PIEZO2: variants seen among roughly 807,000 people sequenced by gnomAD.
The protein encoded by PIEZO2 is piezo type mechanosensitive ion channel component 2.
Under a neutral mutation model 337.3 loss-of-function variants are expected in PIEZO2, and 172 were observed. The observed-to-expected ratio is 0.51, with a 90% CI of 0.45 to 0.58. PIEZO2 has a LOEUF of 0.58. Among genes scored for constraint, PIEZO2 ranks in the 20% least tolerant of loss-of-function variants. PIEZO2 has a pLI of 0.00. For synonymous variants in PIEZO2, 1,251 were observed against 1,228.5 expected (o/e 1.02, Z -0.38); for missense variants, 3,028 against 3,391.3 (o/e 0.89, Z 2.66).
At chr18:10,873,310 T>C (rs117159533) in intron 4 of PIEZO2, among the ~76,000 whole-genome samples, 1 of 152,200 alleles carries the variant, frequency 6.6e-6, no homozygotes, top group African/African-American at 2.4e-5. Context: ...GGCATTATTA[T>C]CCTTTTACAC....
chr18:10,913,714 C>G (rs948065333), intron 3 of PIEZO2, among the ~76,000 whole-genome samples: 3 of 152,012 alleles, frequency 2.0e-5, no homozygotes, highest in African/African-American at 7.2e-5. Flanking sequence ...ACAGGCAGGA[C>G]AAGTCAAAAG....
Position 10,762,539 on chromosome 18 carries a change from G to A in PIEZO2, c.3210C>T (p.Val1070=), listed in dbSNP as rs1370659064. The A allele has an allele frequency of 6.5e-6, 10 of 1,537,330 alleles. No individual in the cohort carries two copies. In the East Asian group the frequency reaches 9.8e-5, roughly 15 times the overall value. ...GCAGAGGCGAAGACTTCCGCAGGCCGACCCACTCTGTAGGATCGATAGGAG... is the reference window on the plus strand; with the variant it reads ...GCAGAGGCGAAGACTTCCGCAGGCCAACCCACTCTGTAGGATCGATAGGAG... ...YSAPIDPTEW[V]GLRKSSPLLV... Residue 1070 remains valine, a synonymous_variant, in exon 23 of 56, where the codon GTC becomes GTT. Transcript: ENST00000674853.
At chr18:11,056,612 A>C (rs981812748) in intron 2 of PIEZO2, among the ~76,000 whole-genome samples, 1 of 152,208 alleles carries the variant, frequency 6.6e-6, no homozygotes, top group Non-Finnish European at 1.5e-5. Flanking sequence ...ACCAAAAGGA[A>C]TGTTGAAGCA....
intron 22 of PIEZO2, 33 bp downstream of exon 22, chr18:10,762,889 A>C: frequency 6.5e-7 from 1 of 1,528,394 alleles, no homozygotes; most frequent in African/African-American, 1.4e-5. Flanking sequence ...GCTAAAGGGC[A>C]GTCAGGAATA....
chr18:11,056,697 A>T lies in PIEZO2; in HGVS notation c.160+9430T>A, dbSNP rs534531311. ...TGAGAAGAGCTCAAGAACGAGGGCC[A>T]TCCAGGAGCTGCTAGACCTTCAGGA... On this transcript the variant is annotated intron_variant, in intron 2 of 55. Transcript: ENST00000674853. 5.3e-5 allele frequency among the ~76,000 whole-genome samples: 8 copies of T among 152,250 alleles called. No homozygotes were observed. The East Asian group carries it at 1.6e-3, about 30-fold the overall frequency.
At position 11,034,582 on chromosome 18, in the gene PIEZO2, G is replaced by A. The variant is rs535805964; in HGVS notation, c.160+31545C>T. ...TGCTGGGATTACAGGCGTGAGCCACGCGCCTGGCTAAATGTAACATTTCTT... is the reference window on the plus strand; with the variant it reads ...TGCTGGGATTACAGGCGTGAGCCACACGCCTGGCTAAATGTAACATTTCTT... On this transcript the variant is annotated intron_variant, in intron 2 of 55. Coordinates refer to ENST00000674853, the MANE Select transcript of PIEZO2 (RefSeq NM_001378183.1). 1.8e-3 allele frequency among the ~76,000 whole-genome samples: 270 copies of A among 152,170 alleles called. 1 individual carries two copies. Among genetic ancestry groups the A allele is most frequent in the African/African-American group, 6.3e-3 (263 of 41,546 alleles).
intron 7 of PIEZO2, among the ~76,000 whole-genome samples, chr18:10,826,926 C>A (rs572236775): frequency 6.6e-6 from 1 of 152,198 alleles, no homozygotes; most frequent in African/African-American, 2.4e-5. Context: ...TTATTCTTTT[C>A]CAAAAAGTCA....
At position 11,133,664 on chromosome 18, in the gene PIEZO2, G is replaced by A. The variant is rs1438673608; in HGVS notation, c.64+14861C>T. The stretch of plus-strand genomic sequence containing the variant: ...CTTTGTCCTGTGCTGGATCCTTCCT[G>A]CCCTCAAATATCAGACTCCAAGTTC... On this transcript the variant is annotated intron_variant, in intron 1 of 55. Coordinates refer to ENST00000674853, the MANE Select transcript of PIEZO2 (RefSeq NM_001378183.1). 4.6e-5 allele frequency among the ~76,000 whole-genome samples: 7 copies of A among 152,064 alleles called. No individual in the cohort carries two copies. The East Asian group carries it at 1.2e-3, about 25-fold the overall frequency.
rs2041715994 is a variant in PIEZO2 at position 10,856,755 on chromosome 18, C to G, written c.703+246G>C. On this transcript the variant is annotated intron_variant, in intron 6 of 55. Transcript: ENST00000674853. The surrounding 1 kb of genome is among the most constrained non-coding windows in gnomAD (Gnocchi z 4.7). ...AAACCTAGAAAATGGAGTCGCTTAG[C>G]ATATATAGAAAAAGATTATTTTGCA... is the stretch of plus-strand genomic sequence containing the variant. Among the ~76,000 whole-genome samples the G allele has an allele frequency of 6.6e-6, 1 of 152,062 alleles. No individual in the cohort carries two copies. Among genetic ancestry groups the G allele is most frequent in the Admixed American group, 6.5e-5 (1 of 15,274 alleles).
intron 27 of PIEZO2, 51 bp downstream of exon 27, chr18:10,757,918 T>C: frequency 1.6e-5 from 23 of 1,452,730 alleles, no homozygotes; most frequent in Non-Finnish European, 2.1e-5. Context: ...AGCAATGTAA[T>C]GGAAATGCAC....
At chr18:10,811,414 G>C (rs1051525694) in intron 7 of PIEZO2, among the ~76,000 whole-genome samples, 1 of 152,172 alleles carries the variant, frequency 6.6e-6, no homozygotes, top group Non-Finnish European at 1.5e-5. Context: ...GGTACGGAAG[G>C]TTTTAAAGGT....
chr18:11,045,722 A>G lies in PIEZO2; in HGVS notation c.160+20405T>C, dbSNP rs559021418. On this transcript the variant is annotated intron_variant, in intron 2 of 55. Transcript: ENST00000674853. ...AGTATTGATCTGGGATTACAGATAC[A>G]TTTTAGCAGGAATGTGAATTCACAC... Among the ~76,000 whole-genome samples, 16 of 152,334 alleles carry G rather than the reference A, an allele frequency of 1.1e-4. No homozygotes were observed. The South Asian group carries it at 3.3e-3, about 32-fold the overall frequency.
intron 47 of PIEZO2, among the ~76,000 whole-genome samples, chr18:10,694,787 A>G (rs1222152020): frequency 6.6e-6 from 1 of 152,184 alleles, no homozygotes; most frequent in Non-Finnish European, 1.5e-5. Context: ...GTGAGCTATG[A>G]TCATGCCACT....
rs142296561 is a variant in PIEZO2 at position 10,756,464 on chromosome 18, A to G, written c.3923+1505T>C. ...GGAGGGGTGGTGATGAAGAAAAGCTATGAGGATGAGGAGGAGGGATGCAGG... is the reference window on the plus strand; with the variant it reads ...GGAGGGGTGGTGATGAAGAAAAGCTGTGAGGATGAGGAGGAGGGATGCAGG... On this transcript the variant is annotated intron_variant, in intron 27 of 55. Coordinates refer to ENST00000674853, the MANE Select transcript of PIEZO2 (RefSeq NM_001378183.1). Among the ~76,000 whole-genome samples, 1,278 of 146,204 alleles carry G rather than the reference A, an allele frequency of 8.7e-3. 5 individuals are homozygous for G. Among genetic ancestry groups the G allele is most frequent in the Non-Finnish European group, 0.014 (956 of 66,138 alleles).
intron 3 of PIEZO2, among the ~76,000 whole-genome samples, chr18:10,917,045 G>A (rs1381323367): frequency 1.3e-5 from 2 of 152,110 alleles, no homozygotes; most frequent in African/African-American, 2.4e-5. Context: ...CTTCCATCCA[G>A]GCCCTGAGAA....
chr18:10,738,053 T>C (rs1800513475), intron 33 of PIEZO2: 1 of 152,216 alleles, frequency 6.6e-6, no homozygotes, highest in African/African-American at 2.4e-5. Flanking sequence ...AGCACTGTCA[T>C]TCGTTATTTT....
chr18:10,907,644 C>T (rs1328614407), intron 4 of PIEZO2, among the ~76,000 whole-genome samples: 1 of 152,130 alleles, frequency 6.6e-6, no homozygotes, highest in Non-Finnish European at 1.5e-5. Context: ...TAGCTCCAAG[C>T]TTGTTGGTTT....
At chr18:10,860,209 C>T (rs1350237530) in intron 5 of PIEZO2, among the ~76,000 whole-genome samples, 1 of 152,120 alleles carries the variant, frequency 6.6e-6, no homozygotes, top group Non-Finnish European at 1.5e-5. Flanking sequence ...ATGGTTTAAA[C>T]GTCAGTAGCC....
intron 7 of PIEZO2, among the ~76,000 whole-genome samples, chr18:10,841,931 G>A (rs962984158): frequency 5.9e-5 from 9 of 152,122 alleles, no homozygotes; most frequent in Admixed American, 5.2e-4. Flanking sequence ...TGGGAGACGG[G>A]TGGATCACTA....
Sources: gnomAD v4.1 joint callset for allele counts (sites outside exome capture counted in the v4.1 genomes callset) on GRCh38, gnomAD v4.1.1 for gene constraint, Gnocchi (gnomAD v3.1) non-coding constraint, MANE v1.5 for transcripts, NCBI Gene and HGNC (gene_info 2026-07-23, HGNC 2026-07-21) for gene names.